The following HLA-DQB1 variants were observed in gnomAD, a reference collection of about 807,000 sequenced individuals.
HLA-DQB1 encodes HLA class II histocompatibility antigen, DQ beta 1 chain.
A neutral mutation model predicts 26.4 loss-of-function variants in HLA-DQB1; 13 were observed. The observed-to-expected ratio is 0.49, with a 90% CI of 0.32 to 0.78. HLA-DQB1 has a LOEUF of 0.78. Ranked by LOEUF, HLA-DQB1 falls within the 30% of genes least tolerant of loss-of-function variation. The probability of loss-of-function intolerance (pLI) is 0.03; values close to 1 mark genes in which losing one functional copy is unlikely to be tolerated. For missense variants in HLA-DQB1, 158 were observed against 326.2 expected, an observed-to-expected ratio of 0.48 and a Z score of 3.97; for synonymous variants, 60 against 129.1, an observed-to-expected ratio of 0.46 and a Z score of 3.63.
intron 1 of HLA-DQB1, among the ~76,000 whole-genome samples, chr6:32,665,695 A>G (rs28746825): frequency 0.14 from 18,382 of 127,266 alleles, 2,809 homozygotes; most frequent in East Asian, 0.29. Flanking sequence ...TTCCAATTAA[A>G]CTGTGGCAGT....
rs74186130 is a variant in HLA-DQB1 at position 32,665,082 on chromosome 6, C to G, written c.110-15G>C. On this transcript the variant is annotated splice_polypyrimidine_tract_variant and intron_variant, in intron 1 of 4. Coordinates refer to ENST00000434651, the Ensembl canonical transcript of HLA-DQB1. ...CACGAAATCCTCTGCGGGGAATCAC[C>G]GGCCGGTCAGTCAGGCCCCAGCCCG... 136,998 of 1,180,220 alleles carry G rather than the reference C, an allele frequency of 0.12. 24,054 individuals are homozygous for G. Among genetic ancestry groups the G allele is most frequent in the South Asian group, 0.22 (15,679 of 71,036 alleles). The allele number at this position is 1,180,220 out of a possible 1,614,324, so 73.1% of individuals were successfully genotyped here. A position where few individuals can be genotyped will look rare whatever the true frequency, so the allele number is the denominator to read the frequency against.
At chr6:32,661,296 A>G (rs281864305) in intron 4 of HLA-DQB1, 51 bp downstream of exon 4, 2 of 1,087,098 alleles carry the variant, frequency 1.8e-6, no homozygotes, top group Non-Finnish European at 2.7e-6. Context: ...CACTCTGAAC[A>G]GAGGGTCTGG....
intron 3 of HLA-DQB1, chr6:32,661,731 C>T: frequency 2.2e-6 from 1 of 459,670 alleles, no homozygotes; most frequent in Non-Finnish European, 3.7e-6. Context: ...ATCAGTCCCT[C>T]AGAGCTATCA....
At chr6:32,662,010 G>T (rs281864130) in exon 3 of HLA-DQB1, 13 of 1,537,826 alleles carry the variant, frequency 8.5e-6, no homozygotes, top group Admixed American at 1.9e-5. Flanking sequence ...GGTGCTCCAC[G>T]TGGCAGGTGT....
At chr6:32,664,658 A>AC (rs375205881) in intron 2 of HLA-DQB1, 140 bp downstream of exon 2, 14,698 of 159,598 alleles carry the variant, frequency 0.092, 4,122 homozygotes, top group South Asian at 0.29. Flanking sequence ...TGCCCCCACC[A>AC]CCCCGCCGCC....
intron 4 of HLA-DQB1, chr6:32,660,776 C>T (rs535728917): frequency 0.026 from 20,076 of 763,392 alleles, 3,497 homozygotes; most frequent in East Asian, 0.21. Context: ...TGAACATGGA[C>T]CACTGTGGTC....
At position 32,661,986 on chromosome 6, in the gene HLA-DQB1, GC is replaced by G; in HGVS notation, c.641del (p.Ser214ThrfsTer19). ...CCTTACGCCACTCCACGGTGATGGG[GC>G]TCTGGAGGCTGGGGTGCTCCACGTG... On this transcript the variant is annotated frameshift_variant, in exon 3 of 5. Coordinates refer to ENST00000434651, the Ensembl canonical transcript of HLA-DQB1. LOFTEE classifies it high-confidence loss of function. 6.4e-7 allele frequency: 1 copy of G among 1,554,580 alleles called. No homozygotes were observed. Among genetic ancestry groups the G allele is most frequent in the Non-Finnish European group, 8.8e-7 (1 of 1,142,722 alleles).
chr6:32,662,313 C>T (rs9274060), intron 2 of HLA-DQB1, 65 bp from the exon 3 acceptor site: 1 of 743,378 alleles, frequency 1.3e-6, no homozygotes, highest in African/African-American at 2.7e-5. Context: ...CCACGTCTAC[C>T]ATGAGGAAGG....
At chr6:32,662,428 T>C (rs9274115) in intron 2 of HLA-DQB1, 180 bp from the exon 3 acceptor site, 14,672 of 67,934 alleles carry the variant, frequency 0.22, 4,435 homozygotes, top group South Asian at 0.33. Context: ...CAAAGATAAA[T>C]AACATACTAT....
chr6:32,660,192 C>T (rs3204428), exon 5 of HLA-DQB1: 80,333 of 769,462 alleles, frequency 0.1, 21,813 homozygotes, highest in Admixed American at 0.32. Flanking sequence ...AAGCAGGCAT[C>T]ACAGAAGAGT....
At chr6:32,666,077 A>G (rs41264356) in intron 1 of HLA-DQB1, among the ~76,000 whole-genome samples, 17,913 of 113,998 alleles carry the variant, frequency 0.16, 1,812 homozygotes, top group Middle Eastern at 0.3. Flanking sequence ...TCAAATACAG[A>G]GACTACAGAC....
chr6:32,660,883 T>C (rs28688207), intron 4 of HLA-DQB1: 68,472 of 1,514,292 alleles, frequency 0.045, 6,317 homozygotes, highest in South Asian at 0.24. Flanking sequence ...CCTTGAGGTC[T>C]TACAAAAGGA....
rs281861730 is a variant in HLA-DQB1, at chr6:32,665,445, T to A, written c.110-378A>T. On this transcript the variant is annotated intron_variant, in intron 1 of 4. Transcript: ENST00000434651. ...TACCTCAGAGATAAAGTTATCCACA[T>A]AAATCTGAGAGTTCAACGGAATGAC... Among the ~76,000 whole-genome samples the A allele has an allele frequency of 0.018, 2,415 of 137,446 alleles. 443 individuals carry two copies. In the East Asian group the frequency reaches 0.19, roughly 11 times the overall value. The allele number at this position is 137,446 out of a possible 152,430, so 90.2% of individuals were successfully genotyped here.
chr6:32,664,911 T>A (rs1071637), exon 2 of HLA-DQB1: 246,786 of 1,322,866 alleles, frequency 0.19, 32,890 homozygotes, highest in African/African-American at 0.26. Context: ...GTACTCGGCA[T>A]CAGGCCGCCC....
In HLA-DQB1 at chr6:32,663,217, C is replaced by T. The variant is rs281863468; in HGVS notation, c.380-969G>A. The T allele has an allele frequency of 2.0e-5, 3 of 150,448 alleles. No homozygotes were observed. In the South Asian group the frequency reaches 6.4e-4, roughly 32 times the overall value. The allele number at this position is 150,448 out of a possible 1,614,324, so 9.3% of individuals were successfully genotyped here. On this transcript the variant is annotated intron_variant, in intron 2 of 4. Transcript: ENST00000434651. ...ACAGACTGGGAGTAAAAATAGAGGGCACAAATTTATGAGAAAAGATGATAA... is the reference window on the plus strand; with the variant it reads ...ACAGACTGGGAGTAAAAATAGAGGGTACAAATTTATGAGAAAAGATGATAA...
chr6:32,664,641 A>C, intron 2 of HLA-DQB1, 157 bp downstream of exon 2: 2 of 236,990 alleles, frequency 8.4e-6, no homozygotes, highest in Non-Finnish European at 1.5e-5. Context: ...CGCCCCTCCG[A>C]TGCACCTGCC....
At chr6:32,660,527 C>T (rs182275627) in intron 4 of HLA-DQB1, 10,564 of 350,718 alleles carry the variant, frequency 0.03, 1,668 homozygotes, top group East Asian at 0.21. Context: ...ATATCTCTTC[C>T]CGACCACTAG....
chr6:32,662,885 C>CCA (rs1783303258), intron 2 of HLA-DQB1: 1 of 147,410 alleles, frequency 6.8e-6, no homozygotes, highest in Non-Finnish European at 1.5e-5. Context: ...TACTCCATTT[C>CCA]CTTGCTATTG....
rs1783038761 is a variant in HLA-DQB1, at chr6:32,661,652, G to T, written c.662-195C>A. The T allele has an allele frequency of 1.7e-5, 7 of 422,862 alleles. 2 individuals are homozygous for T. The highest frequency in any genetic ancestry group is 2.9e-5 in the Non-Finnish European group (7 of 244,982). The allele number at this position is 422,862 out of a possible 1,614,324, so 26.2% of individuals were successfully genotyped here. On this transcript the variant is annotated intron_variant, in intron 3 of 4. Coordinates refer to ENST00000434651, the Ensembl canonical transcript of HLA-DQB1. ...AGTGAATAGGTGAGAGAGTGGGGAA[G>T]CAAATCTCTGCTCTTCAAGAACTCA...
Sources: gnomAD v4.1 joint callset for allele counts (sites outside exome capture counted in the v4.1 genomes callset) on GRCh38, gnomAD v4.1.1 for gene constraint, MANE v1.5 for transcripts, NCBI Gene and HGNC (gene_info 2026-07-23, HGNC 2026-07-21) for gene names.